Variants in PIKFYVE observed in about 807,000 individuals in gnomAD.
PIKFYVE encodes 1-phosphatidylinositol 3-phosphate 5-kinase.
PIKFYVE carries 122 observed loss-of-function variants against 257.9 expected under a neutral mutation model. The observed-to-expected ratio is 0.47, with a 90% CI of 0.41 to 0.55. The LOEUF is 0.55. PIKFYVE is among the 20% of genes least tolerant of loss of function. PIKFYVE has a pLI of 0.00. For missense variants in PIKFYVE, 2,160 were observed against 2,536.6 expected, an observed-to-expected ratio of 0.85 and a Z score of 3.19; for synonymous variants, 892 against 868.9, an observed-to-expected ratio of 1.03 and a Z score of -0.47.
At chr2:208,308,930 A>G (rs1225835748) in intron 12 of PIKFYVE, among the ~76,000 whole-genome samples, 3 of 151,922 alleles carry the variant, frequency 2.0e-5, no homozygotes, top group Admixed American at 6.6e-5. Flanking sequence ...CTGGTCTCTA[A>G]CTCCTGATCT....
rs764778104 is a variant in PIKFYVE, at chr2:208,329,824, A to C, written c.3720-18A>C. ...GCATGGTAATTCTTATGTTTCTAAG[A>C]GGTGGTCTCTTCTTTAGGATTGTAA... On this transcript the variant is annotated intron_variant, in intron 21 of 41. Transcript: ENST00000264380. The C allele has an allele frequency of 1.1e-5, 17 of 1,609,900 alleles. No individual in the cohort carries two copies. The East Asian group carries it at 3.8e-4, about 36-fold the overall frequency.
chr2:208,335,432 T>A lies in PIKFYVE; in HGVS notation c.4256+13T>A. The A allele has an allele frequency of 6.8e-7, 1 of 1,478,330 alleles. No homozygotes were observed. The highest frequency in any genetic ancestry group is 1.1e-5 in the South Asian group (1 of 87,864). The allele number at this position is 1,478,330 out of a possible 1,614,324, so 91.6% of individuals were successfully genotyped here. ...ACTTCTTTCAAAAGTAAGTTCAGTTTCTTTTATCATCTTTTTTTGTTTATT... is the reference window on the plus strand; with the variant it reads ...ACTTCTTTCAAAAGTAAGTTCAGTTACTTTTATCATCTTTTTTTGTTTATT... On this transcript the variant is annotated intron_variant, in intron 25 of 41. Transcript: ENST00000264380.
intron 34 of PIKFYVE, among the ~76,000 whole-genome samples, chr2:208,346,482 C>A (rs552316710): frequency 6.6e-6 from 1 of 152,152 alleles, no homozygotes; most frequent in Non-Finnish European, 1.5e-5. Context: ...TCTAGTTTTA[C>A]AGTATTACTG....
rs1284303929 is a variant in PIKFYVE at position 208,298,763 on chromosome 2, A to G, written c.1034A>G (p.Glu345Gly). ...GTTAGGACAGAGACCACTGAGGATG[A>G]ACGCAAAATTCTTCTGGTACTGGTC... ...TYVRTETTED[E>G]RKILLDSVQL... is the part of the protein sequence containing the mutation. The change falls in exon 8 of 42, where the codon GAA becomes GGA. Residue 345 changes from glutamate (E) to glycine (G), a missense_variant. This residue lies in a region of PIKFYVE where 187 missense variants were observed against 185.6 expected (regional missense o/e 1.01). Coordinates refer to ENST00000264380, the MANE Select transcript of PIKFYVE (RefSeq NM_015040.4). The G allele has an allele frequency of 1.9e-6, 3 of 1,614,036 alleles. No homozygotes were observed. Among genetic ancestry groups the G allele is most frequent in the Non-Finnish European group, 2.5e-6 (3 of 1,180,002 alleles).
At chr2:208,294,915 C>G (rs1284243879) in intron 7 of PIKFYVE, among the ~76,000 whole-genome samples, 3 of 152,220 alleles carry the variant, frequency 2.0e-5, no homozygotes, top group African/African-American at 7.2e-5. Flanking sequence ...TTCTGACATT[C>G]ACTGTGAGGA....
In PIKFYVE at chr2:208,325,936, CT is replaced by C; in HGVS notation, c.3128del (p.Leu1043TrpfsTer7). The C allele has an allele frequency of 6.2e-7, 1 of 1,614,066 alleles. No homozygotes were observed. The highest frequency in any genetic ancestry group is 8.5e-7 in the Non-Finnish European group (1 of 1,179,938). Reference protein sequence around the residue: ...TSSEDKRKTYSLAFKQELKDV... With the variant: ...TSSEDKRKTYXLAFKQELKDV... ...TCTGAAGATAAACGAAAGACTTATT[CT>C]TTGGCCTTTAAGCAGGAATTAAAAG... is the stretch of plus-strand genomic sequence containing the variant. On this transcript the variant is annotated frameshift_variant, in exon 20 of 42. Transcript: ENST00000264380. LOFTEE classifies it high-confidence loss of function.
At chr2:208,317,775 T>A (rs1695716494) in intron 15 of PIKFYVE, 92 bp from the exon 16 acceptor site, 10 of 1,239,404 alleles carry the variant, frequency 8.1e-6, no homozygotes, top group Middle Eastern at 2.1e-4. Flanking sequence ...CATAATAGTT[T>A]AAAAAAAATG....
chr2:208,274,053 G>A, intron 3 of PIKFYVE: 1 of 1,611,844 alleles, frequency 6.2e-7, no homozygotes, highest in African/African-American at 1.3e-5. Context: ...GGAGAACACA[G>A]GTTAGTTTCC....
chr2:208,308,409 A>AG (rs1485711346), intron 12 of PIKFYVE, among the ~76,000 whole-genome samples: 5 of 151,498 alleles, frequency 3.3e-5, no homozygotes, highest in Middle Eastern at 3.4e-3. Flanking sequence ...TAAAAAAAAA[A>AG]AGAAAAAAAA....
chr2:208,325,627 G>A lies in PIKFYVE; in HGVS notation c.2816G>A (p.Gly939Asp). Residue 939 changes from glycine to aspartate, a missense_variant, in exon 20 of 42, where the codon GGT (glycine) becomes GAT (aspartate). Coordinates refer to ENST00000264380, the MANE Select transcript of PIKFYVE (RefSeq NM_015040.4). ...LLELRIVFEK[G>D]EQENKNLPQA... ...GAATTGAGGATTGTGTTTGAGAAGG[G>A]TGAGCAGGAAAATAAAAATCTTCCG... 1.2e-6 allele frequency: 2 copies of A among 1,614,128 alleles called. No individual in the cohort carries two copies. Among genetic ancestry groups the A allele is most frequent in the South Asian group, 2.2e-5 (2 of 91,086 alleles).
intron 7 of PIKFYVE, among the ~76,000 whole-genome samples, chr2:208,294,907 CT>C (rs1299554251): frequency 1.3e-5 from 2 of 152,224 alleles, no homozygotes; most frequent in African/African-American, 4.8e-5. Flanking sequence ...GGGAATTTTT[CT>C]GACATTCACT....
Position 208,336,900 on chromosome 2 carries a change from G to A in PIKFYVE, c.4583G>A (p.Gly1528Glu). ...AGACCTTCAGTTCCTCCAAGTCCTG[G>A]AAGACTGAGACAAGGGGAAGAAAGC... The part of the protein sequence containing the change: ...RKRPSVPPSP[G>E]RLRQGEESKI... The change falls in exon 28 of 42, where the codon GGA becomes GAA. Residue 1528 changes from glycine (G) to glutamate (E), a missense_variant. Coordinates refer to ENST00000264380, the MANE Select transcript of PIKFYVE (RefSeq NM_015040.4). 6.2e-7 allele frequency: 1 copy of A among 1,612,840 alleles called. No individual in the cohort carries two copies. The highest frequency in any genetic ancestry group is 8.5e-7 in the Non-Finnish European group (1 of 1,179,242).
chr2:208,342,698 T>A, intron 32 of PIKFYVE, 49 bp downstream of exon 32: 1 of 1,405,678 alleles, frequency 7.1e-7, no homozygotes, highest in Non-Finnish European at 1.0e-6. Flanking sequence ...GTATTTTATG[T>A]ATGTCTATTA....
intron 7 of PIKFYVE, among the ~76,000 whole-genome samples, chr2:208,290,639 A>G (rs1421173317): frequency 6.6e-6 from 1 of 152,202 alleles, no homozygotes; most frequent in East Asian, 1.9e-4. Context: ...ACCAAGGAGC[A>G]TGATTGCTGA....
At chr2:208,340,863 A>G (rs1031589942) in intron 31 of PIKFYVE, among the ~76,000 whole-genome samples, 1 of 152,146 alleles carries the variant, frequency 6.6e-6, no homozygotes, top group Non-Finnish European at 1.5e-5. Flanking sequence ...CTCACAGTAC[A>G]GTATGTGATA....
chr2:208,304,997 C>T lies in PIKFYVE; in HGVS notation c.1620C>T (p.His540=). The T allele has an allele frequency of 6.2e-7, 1 of 1,614,134 alleles. No individual in the cohort carries two copies. The highest frequency in any genetic ancestry group is 8.5e-7 in the Non-Finnish European group (1 of 1,180,010). The change falls in exon 12 of 42, where the codon CAC becomes CAT. Residue 540 remains histidine, a synonymous_variant. Transcript: ENST00000264380. ...KPSKYPHVPP[H]PADQKEYLIS... ...CCAAGTACCCACATGTGCCCCCTCACCCTGCTGACCAAAAAGGTAGGAGGT... is the reference window on the plus strand; with the variant it reads ...CCAAGTACCCACATGTGCCCCCTCATCCTGCTGACCAAAAAGGTAGGAGGT...
In PIKFYVE at chr2:208,271,636, G is replaced by A. The variant is rs1159633926; in HGVS notation, c.117G>A (p.Glu39=). 12 of 1,613,866 alleles carry A rather than the reference G, an allele frequency of 7.4e-6. No individual in the cohort carries two copies. Among genetic ancestry groups the A allele is most frequent in the African/African-American group, 1.3e-5 (1 of 74,886 alleles). The change falls in exon 2 of 42, where the codon GAG becomes GAA. Residue 39 remains glutamate, a synonymous_variant. Coordinates refer to ENST00000264380, the MANE Select transcript of PIKFYVE (RefSeq NM_015040.4). ...AACCTTTGACTCCTGATCAAGATGA[G>A]CCCCCTTTTAAATCAGCTTATAGTT... The part of the protein sequence containing the change: ...HFKPLTPDQD[E]PPFKSAYSSF...
rs184272575 is a variant in PIKFYVE at position 208,314,170 on chromosome 2, A to G, written c.1697-124A>G. On this transcript the variant is annotated intron_variant, in intron 13 of 41. Transcript: ENST00000264380. ...TTATTACATGTTCTTGCCTTTTTAC[A>G]CCAATAATTTATGTTGGCTAACTTA... The G allele has an allele frequency of 7.4e-5, 81 of 1,089,668 alleles. No homozygotes were observed. In the African/African-American group the frequency reaches 1.1e-3, roughly 15 times the overall value. The allele number at this position is 1,089,668 out of a possible 1,614,324, so 67.5% of individuals were successfully genotyped here.
chr2:208,330,417 G>A, intron 22 of PIKFYVE, 106 bp from the exon 23 acceptor site: 2 of 1,341,964 alleles, frequency 1.5e-6, no homozygotes, highest in Admixed American at 1.7e-5. Flanking sequence ...GCTCAGAGCA[G>A]CATGAGTACC....
Sources: gnomAD v4.1 joint callset for allele counts (sites outside exome capture counted in the v4.1 genomes callset) on GRCh38, gnomAD v4.1.1 for gene constraint, gnomAD v4.1.1 regional missense constraint, MANE v1.5 for transcripts, NCBI Gene and HGNC (gene_info 2026-07-23, HGNC 2026-07-21) for gene names.